The following GALNT17 variants were observed in gnomAD, a reference collection of about 807,000 sequenced individuals.
The protein encoded by GALNT17 is UDP-GalNAc:polypeptide N-acetylgalactosaminyltransferase-like 3.
In GALNT17, 29 loss-of-function variants were observed where a neutral mutation model predicts 63.7. That is an observed-to-expected ratio of 0.46 (90% CI 0.34 to 0.62). GALNT17 has a LOEUF of 0.62. GALNT17 is among the 20% of genes least tolerant of loss of function. The pLI is 0.01. For synonymous variants in GALNT17, 305 were observed against 318.3 expected (o/e 0.96, Z 0.45); for missense variants, 603 against 799.6 (o/e 0.75, Z 2.97).
chr7:71,510,823 G>A (rs976387905), intron 5 of GALNT17, among the ~76,000 whole-genome samples: 1 of 152,120 alleles, frequency 6.6e-6, no homozygotes. Context: ...GGGAATGTTG[G>A]TTTGGAGAAG....
intron 5 of GALNT17, among the ~76,000 whole-genome samples, chr7:71,528,732 C>G (rs558191843): frequency 6.6e-6 from 1 of 152,224 alleles, no homozygotes; most frequent in East Asian, 1.9e-4. Flanking sequence ...CACTAAAGAA[C>G]TTATCTATAT....
chr7:71,160,989 A>T (rs1197025816), intron 1 of GALNT17, among the ~76,000 whole-genome samples: 1 of 151,786 alleles, frequency 6.6e-6, no homozygotes, highest in Admixed American at 6.6e-5. Context: ...GCATGCCACT[A>T]TGCCTGGCTA....
chr7:71,374,666 C>T (rs1792687121), intron 2 of GALNT17, among the ~76,000 whole-genome samples: 1 of 151,906 alleles, frequency 6.6e-6, no homozygotes, highest in Non-Finnish European at 1.5e-5. Flanking sequence ...GCTATGAATG[C>T]ATTTTCCCAC....
intron 5 of GALNT17, among the ~76,000 whole-genome samples, chr7:71,557,728 T>C (rs548871345): frequency 1.4e-4 from 22 of 151,994 alleles, no homozygotes; most frequent in African/African-American, 4.6e-4. Flanking sequence ...GAAATGAAAG[T>C]TGCAGTGAAC....
At chr7:71,188,869 G>C (rs569542572) in intron 1 of GALNT17, among the ~76,000 whole-genome samples, 6 of 152,314 alleles carry the variant, frequency 3.9e-5, no homozygotes, top group Admixed American at 1.3e-4. Flanking sequence ...AAAAAATAGA[G>C]TCGGGGAGAG....
chr7:71,624,963 G>A (rs58784014), intron 6 of GALNT17, among the ~76,000 whole-genome samples: 234 of 152,158 alleles, frequency 1.5e-3, no homozygotes, highest in African/African-American at 5.4e-3. Context: ...TCCACTGTAC[G>A]CTTGTAAGAG....
Position 71,439,072 on chromosome 7 carries a change from T to C in GALNT17, c.962+17967T>C, listed in dbSNP as rs114213693. Reference sequence around the variant, plus strand: ...CTGGCTAATTTTTTAAAATTGTTTGTAGAGATGAGTCTTGCTATGTTGCCC... The same window carrying C: ...CTGGCTAATTTTTTAAAATTGTTTGCAGAGATGAGTCTTGCTATGTTGCCC... On this transcript the variant is annotated intron_variant, in intron 5 of 10. Transcript: ENST00000333538. 1.1e-3 allele frequency among the ~76,000 whole-genome samples: 174 copies of C among 152,000 alleles called. 1 individual carries two copies. Among genetic ancestry groups the C allele is most frequent in the African/African-American group, 4.1e-3 (168 of 41,454 alleles).
At chr7:71,407,974 T>A (rs1176467479) in intron 3 of GALNT17, among the ~76,000 whole-genome samples, 1 of 152,102 alleles carries the variant, frequency 6.6e-6, no homozygotes, top group Admixed American at 6.5e-5. Flanking sequence ...ATGAAAAAGT[T>A]CTAGATAGTG....
chr7:71,231,369 C>T (rs1789784968), intron 1 of GALNT17, among the ~76,000 whole-genome samples: 1 of 151,878 alleles, frequency 6.6e-6, no homozygotes, highest in Non-Finnish European at 1.5e-5. Context: ...ATAGGATGGG[C>T]TCAGGAATCT....
intron 5 of GALNT17, among the ~76,000 whole-genome samples, chr7:71,523,744 AAAAT>A (rs55683413): frequency 0.12 from 17,130 of 137,456 alleles, 1,169 homozygotes; most frequent in South Asian, 0.26. Flanking sequence ...CCTGTCTCAA[AAAAT>A]AAATAAATAA....
intron 1 of GALNT17, among the ~76,000 whole-genome samples, chr7:71,240,670 TTTTTCC>T (rs1333928735): frequency 6.7e-6 from 1 of 149,642 alleles, no homozygotes; most frequent in Non-Finnish European, 1.5e-5. Flanking sequence ...CTTTTTTCTT[TTTTTCC>T]TTTTTTTTGA....
chr7:71,211,970 C>T (rs1261132829), intron 1 of GALNT17, among the ~76,000 whole-genome samples: 1 of 152,156 alleles, frequency 6.6e-6, no homozygotes, highest in African/African-American at 2.4e-5. Flanking sequence ...AGAAAAAACC[C>T]ATTTTCTGGG....
At chr7:71,566,264 C>A (rs1289483759) in intron 5 of GALNT17, among the ~76,000 whole-genome samples, 2 of 152,116 alleles carry the variant, frequency 1.3e-5, no homozygotes, top group African/African-American at 4.8e-5. Flanking sequence ...TTTCTGCACA[C>A]AGGGCAATGC....
chr7:71,655,800 A>G (rs1223631588), intron 6 of GALNT17, among the ~76,000 whole-genome samples: 2 of 152,154 alleles, frequency 1.3e-5, no homozygotes, highest in Non-Finnish European at 2.9e-5. Flanking sequence ...AAGGGGTGCC[A>G]GGGAACAGCA....
chr7:71,135,113 A>C (rs920899687), intron 1 of GALNT17, among the ~76,000 whole-genome samples: 1 of 151,934 alleles, frequency 6.6e-6, no homozygotes, highest in Non-Finnish European at 1.5e-5. Flanking sequence ...GGGCCTCCCA[A>C]AGTGTTGGGA....
intron 9 of GALNT17, among the ~76,000 whole-genome samples, chr7:71,693,249 T>TACAC (rs201316633): frequency 3.2e-5 from 4 of 124,348 alleles, no homozygotes; most frequent in African/African-American, 1.2e-4. Flanking sequence ...CACATATATA[T>TACAC]ACACACACAC....
intron 5 of GALNT17, among the ~76,000 whole-genome samples, chr7:71,463,145 A>G (rs1787479343): frequency 1.3e-5 from 2 of 152,134 alleles, no homozygotes; most frequent in South Asian, 4.2e-4. Context: ...AGGGAGGGGA[A>G]GCATCTCTAT....
chr7:71,334,732 G>T (rs1243105277), intron 1 of GALNT17, among the ~76,000 whole-genome samples: 2 of 152,062 alleles, frequency 1.3e-5, no homozygotes, highest in South Asian at 2.1e-4. Flanking sequence ...ACCCGTGTGG[G>T]TTTTTTCCTC....
At chr7:71,554,944 G>A (rs868840301) in intron 5 of GALNT17, among the ~76,000 whole-genome samples, 5 of 152,128 alleles carry the variant, frequency 3.3e-5, no homozygotes, top group South Asian at 2.1e-4. Flanking sequence ...TTTGGCTTAC[G>A]GTTCTGCAGG....
Sources: allele counts gnomAD v4.1 joint callset (sites outside exome capture counted in the v4.1 genomes callset), GRCh38; gene constraint gnomAD v4.1.1; transcripts MANE v1.5; gene names NCBI Gene and HGNC (gene_info 2026-07-23, HGNC 2026-07-21).